The following REC114 variants were observed in gnomAD, a reference collection of about 807,000 sequenced individuals.
REC114 encodes the protein REC114 meiotic recombination protein, also known as meiotic recombination protein REC114.
A neutral mutation model predicts 31.3 loss-of-function variants in REC114; 27 were observed. The ratio of observed to expected loss-of-function variants is 0.86; its 90% CI spans 0.64 to 1.19. The LOEUF is 1.19. Ranked by LOEUF, REC114 falls within the 50% of genes most tolerant of loss-of-function variation. REC114 has a pLI of 0.00. For missense variants in REC114, 344 were observed against 326.9 expected, an observed-to-expected ratio of 1.05 and a Z score of -0.40; for synonymous variants, 134 against 127.7, an observed-to-expected ratio of 1.05 and a Z score of -0.33.
intron 4 of REC114, among the ~76,000 whole-genome samples, chr15:73,553,711 G>T (rs1053003954): frequency 6.6e-6 from 1 of 152,192 alleles, no homozygotes; most frequent in East Asian, 1.9e-4. Context: ...GAAGGCTCCA[G>T]CTCTCTGATG....
At chr15:73,468,678 GT>G (rs567083539) in intron 1 of REC114, among the ~76,000 whole-genome samples, 3,116 of 138,312 alleles carry the variant, frequency 0.023, 50 homozygotes, top group African/African-American at 0.042. Context: ...GTTAGCTGTA[GT>G]TTTTTTTTTT....
chr15:73,555,523 C>T (rs1173289076), intron 4 of REC114, among the ~76,000 whole-genome samples: 2 of 152,192 alleles, frequency 1.3e-5, no homozygotes, highest in Non-Finnish European at 2.9e-5. Context: ...CCCTGTACTT[C>T]CTGCTTAGCA....
At chr15:73,471,780 A>G (rs1375246939) in intron 1 of REC114, among the ~76,000 whole-genome samples, 3 of 151,936 alleles carry the variant, frequency 2.0e-5, no homozygotes, top group Non-Finnish European at 4.4e-5. Context: ...CCATCAGCAA[A>G]CAAACAAACA....
At chr15:73,478,912 G>A (rs957763544) in intron 2 of REC114, among the ~76,000 whole-genome samples, 9 of 152,136 alleles carry the variant, frequency 5.9e-5, no homozygotes, top group Admixed American at 2.0e-4. Context: ...TGTATCCTGT[G>A]ATGATCTTGC....
intron 5 of REC114, among the ~76,000 whole-genome samples, chr15:73,558,577 G>A (rs1199052763): frequency 2.0e-5 from 3 of 152,194 alleles, no homozygotes; most frequent in East Asian, 3.8e-4. Context: ...TTAGTCATTA[G>A]GCAAATGCAA....
intron 2 of REC114, among the ~76,000 whole-genome samples, chr15:73,534,585 G>A (rs1353295585): frequency 3.9e-5 from 6 of 151,922 alleles, no homozygotes; most frequent in African/African-American, 1.5e-4. Context: ...ATTCACAGCC[G>A]AATTCTACCA....
intron 4 of REC114, among the ~76,000 whole-genome samples, chr15:73,554,253 A>G (rs1028976358): frequency 6.6e-6 from 1 of 152,166 alleles, no homozygotes. Context: ...AGAACATTCT[A>G]GTTTTCCTAA....
intron 4 of REC114, among the ~76,000 whole-genome samples, chr15:73,554,229 G>A (rs899427819): frequency 6.6e-6 from 1 of 152,150 alleles, no homozygotes; most frequent in African/African-American, 2.4e-5. Flanking sequence ...TACAGACCTT[G>A]TGAGGCACCA....
intron 1 of REC114, among the ~76,000 whole-genome samples, chr15:73,473,213 A>G (rs1893157633): frequency 6.6e-6 from 1 of 151,986 alleles, no homozygotes; most frequent in Non-Finnish European, 1.5e-5. Flanking sequence ...ACATGGTGAA[A>G]CCCCATCTCC....
chr15:73,451,818 G>C (rs1045520244), intron 1 of REC114, among the ~76,000 whole-genome samples: 8 of 152,154 alleles, frequency 5.3e-5, no homozygotes, highest in Non-Finnish European at 8.8e-5. Flanking sequence ...GGCATGCAAG[G>C]CTGGTTCAAT....
In REC114 at chr15:73,473,874, A is replaced by C. The variant is rs765569759; in HGVS notation, c.202A>C (p.Ile68Leu). 1.3e-6 allele frequency: 2 copies of C among 1,588,926 alleles called. No individual in the cohort carries two copies. The highest frequency in any genetic ancestry group is 2.7e-5 in the African/African-American group (2 of 74,738). ...NEESGYLVLT[I>L]VISGHFFIFQ... is the part of the protein sequence containing the mutation. ...AGAATCTGGATATCTTGTTCTCACCATAGTTATATCAGGTCATTTCTTCAT... is the reference window on the plus strand; with the variant it reads ...AGAATCTGGATATCTTGTTCTCACCCTAGTTATATCAGGTCATTTCTTCAT... Residue 68 changes from isoleucine (I) to leucine (L), a missense_variant, in exon 2 of 6, where the codon ATA becomes CTA. Transcript: ENST00000331090.
chr15:73,445,108 T>A (rs1892747817), intron 1 of REC114, among the ~76,000 whole-genome samples: 1 of 152,192 alleles, frequency 6.6e-6, no homozygotes, highest in Non-Finnish European at 1.5e-5. Context: ...GCAGAGTAGA[T>A]TTAGTACAGT....
chr15:73,555,166 G>A (rs1595884416), intron 4 of REC114, among the ~76,000 whole-genome samples: 1 of 152,194 alleles, frequency 6.6e-6, no homozygotes, highest in African/African-American at 2.4e-5. Flanking sequence ...CTGTAGGACA[G>A]AAGACAGAAT....
At chr15:73,539,654 C>T (rs974914160) in intron 2 of REC114, among the ~76,000 whole-genome samples, 1 of 151,796 alleles carries the variant, frequency 6.6e-6, no homozygotes, top group Non-Finnish European at 1.5e-5. Context: ...TCAGATTACT[C>T]CAGCAGCCTT....
intron 2 of REC114, among the ~76,000 whole-genome samples, chr15:73,537,256 A>G (rs1894168251): frequency 6.6e-6 from 1 of 152,220 alleles, no homozygotes; most frequent in South Asian, 2.1e-4. Context: ...AGAGTCACCT[A>G]GTTGAGAGAC....
chr15:73,501,287 A>G (rs756660885), intron 2 of REC114, among the ~76,000 whole-genome samples: 1 of 152,180 alleles, frequency 6.6e-6, no homozygotes, highest in Non-Finnish European at 1.5e-5. Context: ...TAGTGTGGAA[A>G]CGTGTAGCAC....
intron 2 of REC114, among the ~76,000 whole-genome samples, chr15:73,487,024 A>AG (rs1017808958): frequency 1.3e-5 from 2 of 151,968 alleles, no homozygotes; most frequent in African/African-American, 4.8e-5. Flanking sequence ...TCTGTCTCAA[A>AG]AAAAAAAAAT....
At chr15:73,517,343 G>T (rs1330848483) in intron 2 of REC114, among the ~76,000 whole-genome samples, 1 of 152,114 alleles carries the variant, frequency 6.6e-6, no homozygotes, top group Non-Finnish European at 1.5e-5. Flanking sequence ...TTTTTAAAAG[G>T]TATCTCTCAC....
chr15:73,517,062 G>A (rs1212010208), intron 2 of REC114, among the ~76,000 whole-genome samples: 1 of 152,212 alleles, frequency 6.6e-6, no homozygotes, highest in Non-Finnish European at 1.5e-5. Context: ...GGCTTGTTCT[G>A]TGTCCACAGA....
Sources: allele counts gnomAD v4.1 joint callset (sites outside exome capture counted in the v4.1 genomes callset), GRCh38; gene constraint gnomAD v4.1.1; transcripts MANE v1.5; gene names NCBI Gene and HGNC (gene_info 2026-07-23, HGNC 2026-07-21).